E2F7: variants seen among roughly 807,000 people sequenced by gnomAD.
The protein encoded by E2F7 is transcription factor E2F7.
In E2F7, 35 loss-of-function variants were observed where a neutral mutation model predicts 81.1. The ratio of observed to expected loss-of-function variants is 0.43; its 90% CI spans 0.33 to 0.57. The LOEUF (loss-of-function observed/expected upper bound fraction) is 0.57, where lower values mean the gene tolerates loss of function less well. E2F7 is among the 20% of genes least tolerant of loss of function. E2F7 has a pLI of 0.04. For synonymous variants in E2F7, 416 were observed against 416.2 expected, an observed-to-expected ratio of 1.00 and a Z score of 0.01; for missense variants, 961 against 1,093.7, an observed-to-expected ratio of 0.88 and a Z score of 1.71.
Position 77,023,218 on chromosome 12 carries a change from G to A in E2F7, c.*797C>T, listed in dbSNP as rs995933672. 6.6e-6 allele frequency: 1 copy of A among 152,598 alleles called. No homozygotes were observed. Among genetic ancestry groups the A allele is most frequent in the Admixed American group, 6.5e-5 (1 of 15,284 alleles). The allele number at this position is 152,598 out of a possible 1,614,324, so 9.5% of individuals were successfully genotyped here. A position where few individuals can be genotyped will look rare whatever the true frequency, so the allele number is the denominator to read the frequency against. ...ACAGTAGGATTTTTAGAAACAAACA[G>A]TAATATCTCACTGTTCACACAGTTA... On this transcript the variant is annotated 3_prime_UTR_variant, in exon 13 of 13. Coordinates refer to ENST00000322886, the MANE Select transcript of E2F7 (RefSeq NM_203394.3).
chr12:77,042,766 A>C (rs1345488426), intron 7 of E2F7, among the ~76,000 whole-genome samples: 1 of 152,206 alleles, frequency 6.6e-6, no homozygotes, highest in Non-Finnish European at 1.5e-5. Context: ...AAGAGGTGTC[A>C]TTTTTAATTC....
At chr12:77,052,817 A>G (rs1408390202) in intron 3 of E2F7, among the ~76,000 whole-genome samples, 1 of 151,930 alleles carries the variant, frequency 6.6e-6, no homozygotes, top group African/African-American at 2.4e-5. Flanking sequence ...CTACAAATCA[A>G]CATGACAAAA....
At chr12:77,046,375 T>C in intron 4 of E2F7, 47 bp from the exon 5 acceptor site, 1 of 1,575,690 alleles carries the variant, frequency 6.3e-7, no homozygotes, top group Non-Finnish European at 8.6e-7. Flanking sequence ...ACAAACATTT[T>C]TGAAGAGAAG....
At chr12:77,050,828 C>G (rs772569841) in intron 3 of E2F7, 84 bp from the exon 4 acceptor site, 21 of 1,400,558 alleles carry the variant, frequency 1.5e-5, no homozygotes, top group Non-Finnish European at 2.1e-5. Context: ...TGTTGGCAAA[C>G]TGGGGGGACA....
At chr12:77,049,260 T>A (rs1014346747) in intron 4 of E2F7, among the ~76,000 whole-genome samples, 1 of 152,202 alleles carries the variant, frequency 6.6e-6, no homozygotes, top group Admixed American at 6.5e-5. Context: ...TGGCTCACTT[T>A]CCCTTTCTTG....
intron 7 of E2F7, among the ~76,000 whole-genome samples, chr12:77,034,965 A>C (rs940150536): frequency 6.6e-6 from 1 of 152,262 alleles, no homozygotes; most frequent in Non-Finnish European, 1.5e-5. Flanking sequence ...AAAAGAAAAT[A>C]GGTCAAGTCA....
intron 3 of E2F7, 90 bp from the exon 4 acceptor site, chr12:77,050,834 G>T: frequency 1.5e-6 from 2 of 1,331,868 alleles, no homozygotes; most frequent in Non-Finnish European, 2.1e-6. Context: ...CAAACTGGGG[G>T]GACATCTCAA....
chr12:77,030,323 G>C lies in E2F7; in HGVS notation c.1392C>G (p.Ala464=). ...GAGGCACCACTCTCTTACTGGCAAAGGCTTTTCCCCTATAATAAAAAAGAA... is the reference window on the plus strand; with the variant it reads ...GAGGCACCACTCTCTTACTGGCAAACGCTTTTCCCCTATAATAAAAAAGAA... ...QKIEDNSQGK[A]FASKRVVPPS... is the part of the protein sequence containing the mutation. The change falls in exon 10 of 13, where the codon GCC becomes GCG. Residue 464 remains alanine, a synonymous_variant. Transcript: ENST00000322886. The C allele has an allele frequency of 6.5e-7, 1 of 1,536,374 alleles. No individual in the cohort carries two copies. The highest frequency in any genetic ancestry group is 8.8e-7 in the Non-Finnish European group (1 of 1,142,680).
At position 77,029,958 on chromosome 12, in the gene E2F7, A is replaced by G; in HGVS notation, c.1757T>C (p.Leu586Pro). The G allele has an allele frequency of 2.5e-6, 4 of 1,614,212 alleles. No individual in the cohort carries two copies. The highest frequency in any genetic ancestry group is 1.3e-5 in the African/African-American group (1 of 75,048). Residue 586 changes from leucine to proline, a missense_variant, in exon 10 of 13, where the codon CTG becomes CCG. Coordinates refer to ENST00000322886, the MANE Select transcript of E2F7 (RefSeq NM_203394.3). ...CTTCTGAGCTGAGGGTGCAGATGAC[A>G]GCTCTACTGTGGCTGGGGCTTCTGA... The part of the protein sequence containing the change: ...RSSEAPATVE[L>P]SSAPSAQKRL...
intron 3 of E2F7, among the ~76,000 whole-genome samples, chr12:77,052,255 C>T (rs188039637): frequency 6.6e-6 from 1 of 152,224 alleles, no homozygotes; most frequent in Admixed American, 6.5e-5. Flanking sequence ...CTAAAATACA[C>T]ATGGAAGAAC....
intron 9 of E2F7, 52 bp from the exon 10 acceptor site, chr12:77,030,384 C>T (rs770327611): frequency 1.3e-6 from 2 of 1,507,056 alleles, no homozygotes; most frequent in Non-Finnish European, 8.9e-7. Flanking sequence ...CAACTCCTGA[C>T]CCTTTACTTT....
intron 4 of E2F7, among the ~76,000 whole-genome samples, chr12:77,047,600 A>T (rs556236977): frequency 6.6e-6 from 1 of 152,368 alleles, no homozygotes; most frequent in East Asian, 1.9e-4. Context: ...TAATCAGGGC[A>T]GACTCTGAAT....
rs191344783 is a variant in E2F7, at chr12:77,064,600, G to T, written c.36C>A (p.Ile12=). 390 of 1,614,034 alleles carry T rather than the reference G, an allele frequency of 2.4e-4. 6 individuals are homozygous for T. In the East Asian group the frequency reaches 8.6e-3, roughly 36 times the overall value. ...AATCTAGTCTGGGCTGCCTGGGGCT[G>T]ATCAGGTCTTTTAGTGTTAAACAAT... ...EVNCLTLKDL[I]SPRQPRLDFA... The change falls in exon 2 of 13, where the codon ATC becomes ATA. Residue 12 remains isoleucine, a synonymous_variant. Coordinates refer to ENST00000322886, the MANE Select transcript of E2F7 (RefSeq NM_203394.3).
rs1179273052 is a variant in E2F7, at chr12:77,030,088, C to T, written c.1627G>A (p.Gly543Ser). Residue 543 changes from glycine to serine, a missense_variant, in exon 10 of 13, where the codon GGC becomes AGC. Transcript: ENST00000322886. Reference sequence around the variant, plus strand: ...GAGGGCACATACACTAGAGGCTGGCCAGCAAGGAGTGCTGGCTTCAGGCTC... The same window carrying T: ...GAGGGCACATACACTAGAGGCTGGCTAGCAAGGAGTGCTGGCTTCAGGCTC... The part of the protein sequence containing the change: ...VESLKPALLA[G>S]QPLVYVPSAS... 1.2e-6 allele frequency: 2 copies of T among 1,614,062 alleles called. No individual in the cohort carries two copies. Among genetic ancestry groups the T allele is most frequent in the African/African-American group, 1.3e-5 (1 of 74,920 alleles).
intron 12 of E2F7, among the ~76,000 whole-genome samples, chr12:77,024,764 A>G (rs1954744678): frequency 6.6e-6 from 1 of 152,178 alleles, no homozygotes; most frequent in South Asian, 2.1e-4. Flanking sequence ...AGAAAATTCT[A>G]TGTTATGCTA....
rs1954735795 is a variant in E2F7 at position 77,023,986 on chromosome 12, A to C, written c.*29T>G. 6.2e-6 allele frequency: 10 copies of C among 1,609,174 alleles called. No homozygotes were observed. The highest frequency in any genetic ancestry group is 8.5e-6 in the Non-Finnish European group (10 of 1,178,390). On this transcript the variant is annotated 3_prime_UTR_variant, in exon 13 of 13. Transcript: ENST00000322886. Reference sequence around the variant, plus strand: ...ACATCCGGGACTCTCAGGGCGTTTGATCCCACCCCCACCTGGCAAAGCGGC... The same window carrying C: ...ACATCCGGGACTCTCAGGGCGTTTGCTCCCACCCCCACCTGGCAAAGCGGC...
At position 77,038,759 on chromosome 12, in the gene E2F7, A is replaced by G. The variant is rs2120673556; in HGVS notation, c.1123+4306T>C. ...AAGGAGCTATAAAGAGATAATCTGAATAGCTCTATAGCTATTAAAAAATTG... is the reference window on the plus strand; with the variant it reads ...AAGGAGCTATAAAGAGATAATCTGAGTAGCTCTATAGCTATTAAAAAATTG... On this transcript the variant is annotated intron_variant, in intron 7 of 12. Coordinates refer to ENST00000322886, the MANE Select transcript of E2F7 (RefSeq NM_203394.3). Among the ~76,000 whole-genome samples, 3 of 152,354 alleles carry G rather than the reference A, an allele frequency of 2.0e-5. No homozygotes were observed. The Middle Eastern group carries it at 0.01, about 518-fold the overall frequency.
rs1367145534 is a variant in E2F7 at position 77,033,121 on chromosome 12, T to C, written c.1311A>G (p.Gly437=). Reference sequence around the variant, plus strand: ...CAATTTCTAAAGAGTAGCCACCTGATCCTGAAAAGGAAGATGAAGGCTTAA... The same window carrying C: ...CAATTTCTAAAGAGTAGCCACCTGACCCTGAAAAGGAAGATGAAGGCTTAA... ...EPSSPYREEQ[G]SGGYSLEIGS... is the part of the protein sequence containing the mutation. The change falls in exon 9 of 13, where the codon GGA becomes GGG. Residue 437 remains glycine, a splice_region_variant and synonymous_variant. Transcript: ENST00000322886. 1 of 1,613,734 alleles carries C rather than the reference T, an allele frequency of 6.2e-7. No individual in the cohort carries two copies.
At position 77,034,052 on chromosome 12, in the gene E2F7, C is replaced by T. The variant is rs541045068; in HGVS notation, c.1124-10G>A. On this transcript the variant is annotated splice_polypyrimidine_tract_variant and intron_variant, in intron 7 of 12. Transcript: ENST00000322886. ...TCCACCAGTTCTTCATCTACATAAACGAGAGAATTGGTAGTGTTGTTATAC... is the reference window on the plus strand; with the variant it reads ...TCCACCAGTTCTTCATCTACATAAATGAGAGAATTGGTAGTGTTGTTATAC... The T allele has an allele frequency of 4.9e-5, 79 of 1,608,146 alleles. 1 individual carries two copies. Among genetic ancestry groups the T allele is most frequent in the South Asian group, 4.1e-4 (37 of 89,956 alleles).
Sources: allele counts gnomAD v4.1 joint callset (sites outside exome capture counted in the v4.1 genomes callset), GRCh38; gene constraint gnomAD v4.1.1; transcripts MANE v1.5; gene names NCBI Gene and HGNC (gene_info 2026-07-23, HGNC 2026-07-21).